ELMO1: variants seen among roughly 807,000 people sequenced by gnomAD.
The protein encoded by ELMO1 is engulfment and cell motility 1, also known as engulfment and cell motility protein 1.
A neutral mutation model predicts 98.9 loss-of-function variants in ELMO1; 26 were observed. The ratio of observed to expected loss-of-function variants is 0.26; its 90% CI spans 0.19 to 0.36. The LOEUF (loss-of-function observed/expected upper bound fraction) is 0.36. Ranked by LOEUF, ELMO1 falls within the 10% of genes least tolerant of loss-of-function variation. ELMO1 has a pLI of 1.00. For synonymous variants in ELMO1, 346 were observed against 346.0 expected (o/e 1.00, Z 0.00); for missense variants, 627 against 935.2 (o/e 0.67, Z 4.30).
chr7:37,413,921 G>C (rs1334714133), intron 1 of ELMO1, among the ~76,000 whole-genome samples: 1 of 152,096 alleles, frequency 6.6e-6, no homozygotes, highest in East Asian at 1.9e-4. Flanking sequence ...CAAGTGATCT[G>C]CCTGCCTCGC....
chr7:36,946,249 A>G (rs1363142848), intron 16 of ELMO1, among the ~76,000 whole-genome samples: 1 of 152,236 alleles, frequency 6.6e-6, no homozygotes, highest in Non-Finnish European at 1.5e-5. Flanking sequence ...TTTACATTTC[A>G]TCTGTGCCAT....
At chr7:37,178,134 C>T (rs1204889148) in intron 13 of ELMO1, among the ~76,000 whole-genome samples, 1 of 151,976 alleles carries the variant, frequency 6.6e-6, no homozygotes, top group Non-Finnish European at 1.5e-5. Flanking sequence ...CTGATAAAGA[C>T]ATACCCGAGA....
chr7:37,024,512 G>A (rs1381726268), intron 15 of ELMO1, among the ~76,000 whole-genome samples: 1 of 152,184 alleles, frequency 6.6e-6, no homozygotes, highest in African/African-American at 2.4e-5. Context: ...AGCGTATTAT[G>A]GATGAGTGAT....
intron 1 of ELMO1, among the ~76,000 whole-genome samples, chr7:37,427,558 A>G (rs117025587): frequency 0.022 from 3,364 of 152,368 alleles, 61 homozygotes; most frequent in Non-Finnish European, 0.034. Flanking sequence ...TCATAAATAA[A>G]ATGACTCAGG....
intron 4 of ELMO1, among the ~76,000 whole-genome samples, chr7:37,280,722 GT>G (rs1481557012): frequency 6.6e-6 from 1 of 152,068 alleles, no homozygotes; most frequent in Non-Finnish European, 1.5e-5. Flanking sequence ...CATGGATGTG[GT>G]AAACAGAGAA....
At chr7:37,160,565 C>G (rs774675972) in intron 13 of ELMO1, among the ~76,000 whole-genome samples, 2 of 152,130 alleles carry the variant, frequency 1.3e-5, no homozygotes, top group African/African-American at 4.8e-5. Context: ...AGGAGCAGGG[C>G]GGTTTAAAGC....
In ELMO1 at chr7:36,970,322, C is replaced by A. The variant is rs190460390; in HGVS notation, c.1437+42977G>T. Among the ~76,000 whole-genome samples the A allele has an allele frequency of 1.4e-4, 21 of 152,220 alleles. No homozygotes were observed. In the East Asian group the frequency reaches 3.9e-3, roughly 28 times the overall value. ...CTGTCCAATACACACACATGCACGG[C>A]ATTCTATACAATAAAATCATATTAC... On this transcript the variant is annotated intron_variant, in intron 16 of 21. Transcript: ENST00000310758.
intron 14 of ELMO1, among the ~76,000 whole-genome samples, chr7:37,103,294 G>A (rs576612361): frequency 6.6e-6 from 1 of 152,178 alleles, no homozygotes; most frequent in African/African-American, 2.4e-5. Context: ...TATTAATCTT[G>A]CTTTTTTTGG....
At chr7:37,046,553 T>C (rs911867755) in intron 15 of ELMO1, among the ~76,000 whole-genome samples, 10 of 152,214 alleles carry the variant, frequency 6.6e-5, no homozygotes, top group African/African-American at 2.2e-4. Flanking sequence ...TATATTTTGA[T>C]ATTTTGCAAT....
intron 4 of ELMO1, among the ~76,000 whole-genome samples, chr7:37,293,244 CATG>C (rs1316338682): frequency 7.5e-6 from 1 of 133,520 alleles, no homozygotes; most frequent in Non-Finnish European, 1.7e-5. Flanking sequence ...GAGAATGGGC[CATG>C]ATGACAATGG....
intron 15 of ELMO1, among the ~76,000 whole-genome samples, chr7:37,081,217 T>C (rs937650433): frequency 6.6e-6 from 1 of 152,230 alleles, no homozygotes; most frequent in Non-Finnish European, 1.5e-5. Context: ...ATGGGAGACA[T>C]ACTTTCATAA....
chr7:37,020,377 G>A (rs1794197292), intron 15 of ELMO1, among the ~76,000 whole-genome samples: 2 of 152,186 alleles, frequency 1.3e-5, no homozygotes, highest in Non-Finnish European at 1.5e-5. Context: ...TTAATTTAGA[G>A]TGTGAAGACA....
chr7:36,890,953 C>A (rs923090984), intron 17 of ELMO1, among the ~76,000 whole-genome samples: 2 of 152,248 alleles, frequency 1.3e-5, no homozygotes, highest in Admixed American at 1.3e-4. Flanking sequence ...CCTGCTCCAA[C>A]CTCAGGGCCT....
At chr7:36,944,348 G>A (rs543159429) in intron 16 of ELMO1, among the ~76,000 whole-genome samples, 48 of 152,260 alleles carry the variant, frequency 3.2e-4, no homozygotes, top group African/African-American at 8.9e-4. Context: ...TTTTTAAAAT[G>A]GAGAAGTTGA....
chr7:37,140,365 G>A (rs189084163), intron 13 of ELMO1, among the ~76,000 whole-genome samples: 133 of 151,210 alleles, frequency 8.8e-4, no homozygotes, highest in Middle Eastern at 3.4e-3. Context: ...CAGCCTGGGC[G>A]ACAGAGTGAG....
chr7:37,158,932 T>A (rs1202191623), intron 13 of ELMO1, among the ~76,000 whole-genome samples: 1 of 152,150 alleles, frequency 6.6e-6, no homozygotes, highest in Non-Finnish European at 1.5e-5. Flanking sequence ...GACTGGATAA[T>A]GAAAATGTGG....
At chr7:37,072,767 T>C (rs1797349984) in intron 15 of ELMO1, among the ~76,000 whole-genome samples, 1 of 152,138 alleles carries the variant, frequency 6.6e-6, no homozygotes, top group South Asian at 2.1e-4. Flanking sequence ...TCATAAAACA[T>C]AAGGCGAGTA....
At chr7:37,316,089 C>A in intron 2 of ELMO1, 129 bp from the exon 3 acceptor site, 1 of 728,032 alleles carries the variant, frequency 1.4e-6, no homozygotes, top group Non-Finnish European at 2.3e-6. Flanking sequence ...TAGTTGTTGT[C>A]AATGAGTCTC....
intron 1 of ELMO1, among the ~76,000 whole-genome samples, chr7:37,358,173 T>C (rs1300233820): frequency 6.6e-6 from 1 of 152,102 alleles, no homozygotes; most frequent in Non-Finnish European, 1.5e-5. Context: ...AAGAGGAAAA[T>C]AGAGAAACTT....
Sources: allele counts gnomAD v4.1 joint callset (sites outside exome capture counted in the v4.1 genomes callset), GRCh38; gene constraint gnomAD v4.1.1; transcripts MANE v1.5; gene names NCBI Gene and HGNC (gene_info 2026-07-23, HGNC 2026-07-21).